Variants in IRF2 observed in about 807,000 individuals in gnomAD.
The protein encoded by IRF2 is interferon regulatory factor 2.
In IRF2, 15 loss-of-function variants were observed where a neutral mutation model predicts 40.6. The ratio of observed to expected loss-of-function variants is 0.37; its 90% CI spans 0.25 to 0.57. The LOEUF (loss-of-function observed/expected upper bound fraction) is 0.57. IRF2 is among the 20% of genes least tolerant of loss of function. The pLI is 0.77. For missense variants in IRF2, 317 were observed against 455.7 expected (o/e 0.70, Z 2.77); for synonymous variants, 151 against 165.5 (o/e 0.91, Z 0.67).
intron 1 of IRF2, among the ~76,000 whole-genome samples, chr4:184,436,426 A>G (rs565363468): frequency 1.2e-4 from 18 of 152,354 alleles, no homozygotes; most frequent in Admixed American, 7.2e-4. Context: ...AAGTTAACTG[A>G]GGATGTGAGA....
intron 5 of IRF2, 28 bp downstream of exon 5, chr4:184,418,139 G>A: frequency 6.3e-7 from 1 of 1,591,076 alleles, no homozygotes; most frequent in Non-Finnish European, 8.6e-7. Context: ...CCCAACTTTG[G>A]CTTTCTCTCT....
At chr4:184,473,162 CACCA>C (rs1561135602) in intron 1 of IRF2, among the ~76,000 whole-genome samples, 5 of 151,810 alleles carry the variant, frequency 3.3e-5, no homozygotes, top group African/African-American at 1.2e-4. Context: ...CGCGGCTTTG[CACCA>C]ACCATGTTCG....
At position 184,456,682 on chromosome 4, in the gene IRF2, GTCCTGCAGGCGCCTC is replaced by G. The variant is rs113745442; in HGVS notation, c.-7+17682_-7+17696del. Among the ~76,000 whole-genome samples the G allele has an allele frequency of 2.5e-3, 378 of 152,366 alleles. 6 individuals are homozygous for G. The highest frequency in any genetic ancestry group is 8.3e-3 in the African/African-American group (345 of 41,594). On this transcript the variant is annotated intron_variant, in intron 1 of 8. Transcript: ENST00000393593. Reference sequence around the variant, plus strand: ...GGTGCCTGAGCCCAGGGGCACCAATGTCCTGCAGGCGCCTCTGTGTCTGGACAGCAAATAACAATT... The same window carrying G: ...GGTGCCTGAGCCCAGGGGCACCAATGTGTGTCTGGACAGCAAATAACAATT...
In IRF2 at chr4:184,407,136, A is replaced by C. The variant is rs181408609; in HGVS notation, c.529+1022T>G. The C allele has an allele frequency of 1.1e-4, 142 of 1,250,132 alleles. 1 individual carries two copies. In the African/African-American group the frequency reaches 2.1e-3, roughly 18 times the overall value. The allele number at this position is 1,250,132 out of a possible 1,614,324, so 77.4% of individuals were successfully genotyped here. Reference sequence around the variant, plus strand: ...ATGTCCGCACCTGCAAACTTTTTACACTGCCCGGGAGATGGTTTAAATACA... The same window carrying C: ...ATGTCCGCACCTGCAAACTTTTTACCCTGCCCGGGAGATGGTTTAAATACA... On this transcript the variant is annotated intron_variant, in intron 6 of 8. Coordinates refer to ENST00000393593, the MANE Select transcript of IRF2 (RefSeq NM_002199.4).
At chr4:184,398,186 G>T (rs1173682992) in intron 7 of IRF2, among the ~76,000 whole-genome samples, 1 of 152,200 alleles carries the variant, frequency 6.6e-6, no homozygotes, top group East Asian at 1.9e-4. Context: ...CCCTGCGCAA[G>T]CCCCTTCCCT....
At chr4:184,390,557 G>A (rs1293235307) in intron 8 of IRF2, 146 bp downstream of exon 8, 1 of 718,218 alleles carries the variant, frequency 1.4e-6, no homozygotes, top group Non-Finnish European at 2.4e-6. Flanking sequence ...GTAAATTCTG[G>A]TGATGCATAT....
intron 6 of IRF2, chr4:184,407,169 C>T: frequency 7.8e-7 from 1 of 1,288,544 alleles, no homozygotes; most frequent in Non-Finnish European, 1.0e-6. Context: ...ACAAAAAAAG[C>T]ACTGCTAACC....
intron 2 of IRF2, among the ~76,000 whole-genome samples, chr4:184,420,872 A>G (rs1039332322): frequency 1.3e-5 from 2 of 152,240 alleles, no homozygotes; most frequent in African/African-American, 4.8e-5. Context: ...TTGCAGGATA[A>G]TAAGTGTCTA....
At chr4:184,438,108 C>T (rs182924721) in intron 1 of IRF2, among the ~76,000 whole-genome samples, 1 of 152,286 alleles carries the variant, frequency 6.6e-6, no homozygotes, top group Admixed American at 6.5e-5. Context: ...GACCCTCAGC[C>T]CAAATGCCTT....
intron 6 of IRF2, chr4:184,407,073 A>G (rs887788190): frequency 5.3e-6 from 3 of 568,602 alleles, no homozygotes; most frequent in Non-Finnish European, 8.6e-6. Context: ...AAGAAACACA[A>G]CAGGGTTATA....
intron 5 of IRF2, among the ~76,000 whole-genome samples, chr4:184,409,828 T>TC (rs887046783): frequency 6.6e-6 from 1 of 151,326 alleles, no homozygotes; most frequent in Non-Finnish European, 1.5e-5. Context: ...GCCCGGGAGT[T>TC]CAAGGATGCA....
At chr4:184,435,000 G>A (rs1738026159) in intron 1 of IRF2, among the ~76,000 whole-genome samples, 1 of 152,188 alleles carries the variant, frequency 6.6e-6, no homozygotes, top group Admixed American at 6.5e-5. Context: ...AGTGAGCCAT[G>A]ATCACACCAC....
rs765953997 is a variant in IRF2 at position 184,388,711 on chromosome 4, A to G, written c.*47T>C. On this transcript the variant is annotated 3_prime_UTR_variant, in exon 9 of 9. Transcript: ENST00000393593. This position sits in a 1 kb window ranked among gnomAD's most constrained non-coding sequence, Gnocchi z 4.6. ...AAAAAATAAAATACAAACAAACAACAAAACAAAGCCAAGAAGCCCCAACAA... is the reference window on the plus strand; with the variant it reads ...AAAAAATAAAATACAAACAAACAACGAAACAAAGCCAAGAAGCCCCAACAA... The G allele has an allele frequency of 2.1e-5, 33 of 1,554,978 alleles. No individual in the cohort carries two copies. In the South Asian group the frequency reaches 2.5e-4, roughly 12 times the overall value.
rs1231608741 is a variant in IRF2 at position 184,464,661 on chromosome 4, ACCTTGGTTC to A, written c.-7+9709_-7+9717del. Among the ~76,000 whole-genome samples the A allele has an allele frequency of 4.6e-5, 7 of 152,018 alleles. No individual in the cohort carries two copies. The South Asian group carries it at 8.3e-4, about 18-fold the overall frequency. On this transcript the variant is annotated intron_variant, in intron 1 of 8. Coordinates refer to ENST00000393593, the MANE Select transcript of IRF2 (RefSeq NM_002199.4). Reference sequence around the variant, plus strand: ...CTCCTCAAGAGGACCAAATAATTTCACCTTGGTTCCCAAGGTGCTGGGAAGACGTATCTC... The same window carrying A: ...CTCCTCAAGAGGACCAAATAATTTCACCAAGGTGCTGGGAAGACGTATCTC...
chr4:184,465,680 G>A (rs1043403230), intron 1 of IRF2, among the ~76,000 whole-genome samples: 9 of 152,094 alleles, frequency 5.9e-5, no homozygotes, highest in South Asian at 4.2e-4. Context: ...TCGAAAACAC[G>A]AGCTTTATAA....
intron 1 of IRF2, among the ~76,000 whole-genome samples, chr4:184,460,866 T>A (rs1479844665): frequency 6.6e-6 from 1 of 152,168 alleles, no homozygotes; most frequent in Non-Finnish European, 1.5e-5. Flanking sequence ...AAAATCCCTT[T>A]TAGATCGACG....
chr4:184,466,132 C>G (rs543929088), intron 1 of IRF2, among the ~76,000 whole-genome samples: 142 of 150,588 alleles, frequency 9.4e-4, no homozygotes, highest in African/African-American at 3.4e-3. Context: ...CTCACTGCAA[C>G]CTCCGCCGCC....
At chr4:184,447,201 A>C (rs1308082876) in intron 1 of IRF2, among the ~76,000 whole-genome samples, 1 of 152,134 alleles carries the variant, frequency 6.6e-6, no homozygotes, top group Non-Finnish European at 1.5e-5. Flanking sequence ...GGAAATAAGG[A>C]AGGGCTCAAA....
chr4:184,466,330 C>G (rs890900006), intron 1 of IRF2, among the ~76,000 whole-genome samples: 1 of 152,118 alleles, frequency 6.6e-6, no homozygotes, highest in Non-Finnish European at 1.5e-5. Flanking sequence ...GGATTACAGG[C>G]GTGAGCCACC....
Sources: gnomAD v4.1 joint callset for allele counts (sites outside exome capture counted in the v4.1 genomes callset) on GRCh38, gnomAD v4.1.1 for gene constraint, Gnocchi (gnomAD v3.1) non-coding constraint, MANE v1.5 for transcripts, NCBI Gene and HGNC (gene_info 2026-07-23, HGNC 2026-07-21) for gene names.